The following ANKRD30BL variants were observed in gnomAD, a reference collection of about 807,000 sequenced individuals.
ANKRD30BL encodes putative ankyrin repeat domain-containing protein 30B-like.
A neutral mutation model predicts 18.4 loss-of-function variants in ANKRD30BL; 20 were observed. The observed-to-expected ratio is 1.09, with a 90% CI of 0.77 to 1.58. The LOEUF is 1.58. Among genes scored for constraint, ANKRD30BL ranks in the 40% most tolerant of loss-of-function variants. The probability of loss-of-function intolerance (pLI) is 0.00; values close to 1 mark genes in which losing one functional copy is unlikely to be tolerated. For missense variants in ANKRD30BL, 224 were observed against 268.6 expected, an observed-to-expected ratio of 0.83 and a Z score of 1.16; for synonymous variants, 72 against 100.9, an observed-to-expected ratio of 0.71 and a Z score of 1.72.
At chr2:132,221,185 G>A (rs1330815589) in intron 1 of ANKRD30BL, among the ~76,000 whole-genome samples, 1 of 145,272 alleles carries the variant, frequency 6.9e-6, no homozygotes, top group African/African-American at 2.8e-5. Flanking sequence ...CATCCGCGAG[G>A]GAGGTGGGGG....
chr2:132,151,876 G>A (rs1687766903), intron 4 of ANKRD30BL, among the ~76,000 whole-genome samples: 1 of 152,136 alleles, frequency 6.6e-6, no homozygotes, highest in African/African-American at 2.4e-5. Flanking sequence ...GTCAGCATCT[G>A]GCTTGGACTA....
chr2:132,183,048 G>C (rs921529278), intron 1 of ANKRD30BL, among the ~76,000 whole-genome samples: 1 of 151,838 alleles, frequency 6.6e-6, no homozygotes, highest in Non-Finnish European at 1.5e-5. Context: ...TAAGGTAGAA[G>C]GTTCTATTGT....
At chr2:132,179,930 C>T (rs1043345010) in intron 1 of ANKRD30BL, among the ~76,000 whole-genome samples, 4 of 151,934 alleles carry the variant, frequency 2.6e-5, no homozygotes, top group African/African-American at 9.7e-5. Flanking sequence ...TGAAGTTGTA[C>T]AATATGTTTA....
chr2:132,229,711 C>A (rs544336457), intron 1 of ANKRD30BL, among the ~76,000 whole-genome samples: 2 of 152,046 alleles, frequency 1.3e-5, no homozygotes, highest in East Asian at 1.9e-4. Context: ...TTTGATAGAG[C>A]GGGTTTGAAA....
intron 1 of ANKRD30BL, among the ~76,000 whole-genome samples, chr2:132,256,693 AC>A (rs1680851196): frequency 6.6e-6 from 1 of 151,966 alleles, no homozygotes; most frequent in African/African-American, 2.4e-5. Flanking sequence ...CCGACCCCAA[AC>A]CCTCCGGGTG....
intron 1 of ANKRD30BL, among the ~76,000 whole-genome samples, chr2:132,243,540 G>C (rs1197758342): frequency 6.6e-6 from 1 of 151,552 alleles, no homozygotes; most frequent in African/African-American, 2.4e-5. Context: ...CAGCACTGAG[G>C]ATTTCATTGG....
chr2:132,233,193 C>T (rs1240513624), intron 1 of ANKRD30BL, among the ~76,000 whole-genome samples: 4 of 151,140 alleles, frequency 2.6e-5, no homozygotes, highest in African/African-American at 7.3e-5. Flanking sequence ...AAGCACTAAA[C>T]ATGGAAAGGA....
At chr2:132,257,068 G>C (rs772261392) in intron 1 of ANKRD30BL, 1 of 475,036 alleles carries the variant, frequency 2.1e-6, no homozygotes, top group East Asian at 6.5e-5. Context: ...GATGCCGGAC[G>C]GCCCTCGGCA....
intron 1 of ANKRD30BL, among the ~76,000 whole-genome samples, chr2:132,193,634 C>A (rs1422558497): frequency 6.6e-6 from 1 of 152,188 alleles, no homozygotes; most frequent in Admixed American, 6.5e-5. Flanking sequence ...GAGAAACGTT[C>A]TAAAGATGCA....
At chr2:132,253,955 AG>A (rs2104812515) in intron 1 of ANKRD30BL, among the ~76,000 whole-genome samples, 1 of 151,868 alleles carries the variant, frequency 6.6e-6, no homozygotes, top group African/African-American at 2.4e-5. Flanking sequence ...CCAGCCCCAA[AG>A]GGAGTGGGCA....
chr2:132,172,827 C>A (rs9752099), intron 1 of ANKRD30BL, among the ~76,000 whole-genome samples: 5,772 of 152,032 alleles, frequency 0.038, 370 homozygotes, highest in African/African-American at 0.13. Flanking sequence ...TTTGCCTCAG[C>A]CTCCCAAGTA....
At chr2:132,168,418 T>C (rs1486785637) in intron 1 of ANKRD30BL, among the ~76,000 whole-genome samples, 1 of 152,158 alleles carries the variant, frequency 6.6e-6, no homozygotes, top group African/African-American at 2.4e-5. Flanking sequence ...ATATTATTCA[T>C]CCTTACAAAA....
chr2:132,235,845 G>T lies in ANKRD30BL; in HGVS notation n.441+21684C>A, dbSNP rs541902075. On this transcript the variant is annotated intron_variant and non_coding_transcript_variant, in intron 1 of 4. Coordinates refer to the ANKRD30BL transcript ENST00000470729. ...CACAATTGGAAAAATCTACTTTAAAGTTCATATGGAACCAAAAAAGAGCCC... is the reference window on the plus strand; with the variant it reads ...CACAATTGGAAAAATCTACTTTAAATTTCATATGGAACCAAAAAAGAGCCC... Among the ~76,000 whole-genome samples, 70 of 152,126 alleles carry T rather than the reference G, an allele frequency of 4.6e-4. No homozygotes were observed. In the East Asian group the frequency reaches 0.013, roughly 27 times the overall value.
At chr2:132,204,386 G>T (rs1418708038) in intron 1 of ANKRD30BL, among the ~76,000 whole-genome samples, 1 of 151,816 alleles carries the variant, frequency 6.6e-6, no homozygotes, top group South Asian at 2.1e-4. Flanking sequence ...GGGTGTGTGT[G>T]TATATAAATA....
chr2:132,233,521 G>T (rs200721413), intron 1 of ANKRD30BL, among the ~76,000 whole-genome samples: 6 of 145,382 alleles, frequency 4.1e-5, no homozygotes, highest in South Asian at 2.3e-4. Context: ...ACAAAAAAAG[G>T]CAGGGGTTGC....
At chr2:132,198,456 T>G (rs892651433) in intron 1 of ANKRD30BL, among the ~76,000 whole-genome samples, 3 of 151,414 alleles carry the variant, frequency 2.0e-5, no homozygotes, top group African/African-American at 7.3e-5. Context: ...CCTGAGTAGC[T>G]GGTACTACAG....
chr2:132,206,564 A>G (rs1261176938), intron 1 of ANKRD30BL, among the ~76,000 whole-genome samples: 2 of 152,166 alleles, frequency 1.3e-5, no homozygotes, highest in East Asian at 1.9e-4. Flanking sequence ...GCTTGTGAGG[A>G]TGAAGTGCAT....
chr2:132,178,011 C>G (rs1688394885), intron 1 of ANKRD30BL, among the ~76,000 whole-genome samples: 2 of 151,930 alleles, frequency 1.3e-5, no homozygotes. Flanking sequence ...GGATGTGATT[C>G]TTAAAATGAA....
At chr2:132,200,468 AC>A (rs1238634600) in intron 1 of ANKRD30BL, among the ~76,000 whole-genome samples, 1 of 152,074 alleles carries the variant, frequency 6.6e-6, no homozygotes, top group African/African-American at 2.4e-5. Context: ...AAATCAATGT[AC>A]AAAAATCACA....
Sources: allele counts gnomAD v4.1 joint callset (sites outside exome capture counted in the v4.1 genomes callset), GRCh38; gene constraint gnomAD v4.1.1; transcripts MANE v1.5; gene names NCBI Gene and HGNC (gene_info 2026-07-23, HGNC 2026-07-21).